Variants in CMTM8 observed in about 807,000 individuals in gnomAD.
CMTM8 encodes the protein CKLF-like MARVEL transmembrane domain-containing protein 8.
Under a neutral mutation model 18.6 loss-of-function variants are expected in CMTM8, and 12 were observed. The ratio of observed to expected loss-of-function variants is 0.65; its 90% CI spans 0.41 to 1.05. CMTM8 has a LOEUF of 1.05. Ranked by LOEUF, CMTM8 falls within the 50% of genes least tolerant of loss-of-function variation. The pLI, the probability that CMTM8 is intolerant of heterozygous loss-of-function variation, is 0.00. For synonymous variants in CMTM8, 87 were observed against 90.6 expected, an observed-to-expected ratio of 0.96 and a Z score of 0.23; for missense variants, 217 against 227.2, an observed-to-expected ratio of 0.95 and a Z score of 0.29.
chr3:32,364,919 T>C (rs1264511339), intron 2 of CMTM8, among the ~76,000 whole-genome samples: 1 of 152,236 alleles, frequency 6.6e-6, no homozygotes, highest in Non-Finnish European at 1.5e-5. Context: ...GCAGCAGTGA[T>C]GTGTGAAGCA....
At chr3:32,260,047 G>T in intron 1 of CMTM8, 1 of 1,149,476 alleles carries the variant, frequency 8.7e-7, no homozygotes, top group East Asian at 2.4e-5. Context: ...TGAACATCAA[G>T]GTCAAGCTGG....
intron 1 of CMTM8, among the ~76,000 whole-genome samples, chr3:32,258,405 T>G (rs535026132): frequency 4.1e-4 from 62 of 152,344 alleles, no homozygotes; most frequent in African/African-American, 1.5e-3. Flanking sequence ...TGTTATTCAC[T>G]TATAGACATT....
intron 1 of CMTM8, among the ~76,000 whole-genome samples, chr3:32,352,875 GT>G (rs5847757): frequency 0.35 from 52,090 of 149,074 alleles, 9,437 homozygotes; most frequent in African/African-American, 0.47. Flanking sequence ...CATAGGTTCT[GT>G]TTTTTTTTTT....
intron 1 of CMTM8, among the ~76,000 whole-genome samples, chr3:32,250,809 T>G (rs1005986612): frequency 6.6e-6 from 1 of 151,564 alleles, no homozygotes; most frequent in South Asian, 2.1e-4. Context: ...CCCAGGCTGG[T>G]CTCGAACCCC....
At chr3:32,242,327 ATTTTG>A (rs968070372) in intron 1 of CMTM8, among the ~76,000 whole-genome samples, 19 of 152,032 alleles carry the variant, frequency 1.2e-4, no homozygotes, top group African/African-American at 4.3e-4. Context: ...TTCTGATTTA[ATTTTG>A]TTTTGTTTTG....
intron 1 of CMTM8, chr3:32,259,127 G>C (rs1702217328): frequency 4.9e-6 from 2 of 407,868 alleles, no homozygotes; most frequent in Non-Finnish European, 9.4e-6. Context: ...GGTGGCATGG[G>C]GTCCGGGGAC....
chr3:32,364,675 C>A (rs1167761025), intron 2 of CMTM8, among the ~76,000 whole-genome samples: 2 of 152,146 alleles, frequency 1.3e-5, no homozygotes, highest in Non-Finnish European at 2.9e-5. Context: ...TTTGGGTATG[C>A]CAGATGGTGA....
chr3:32,332,038 G>A (rs4293737), intron 1 of CMTM8, among the ~76,000 whole-genome samples: 38,672 of 150,340 alleles, frequency 0.26, 5,216 homozygotes, highest in South Asian at 0.39. Flanking sequence ...GACCACACGC[G>A]CACACACACA....
chr3:32,328,035 A>G (rs907455222), intron 1 of CMTM8, among the ~76,000 whole-genome samples: 1 of 152,044 alleles, frequency 6.6e-6, no homozygotes, highest in Non-Finnish European at 1.5e-5. Context: ...ACATAGTAGA[A>G]CCTCATCTCT....
chr3:32,248,134 C>T (rs1007451215), intron 1 of CMTM8, among the ~76,000 whole-genome samples: 2 of 152,134 alleles, frequency 1.3e-5, no homozygotes, highest in African/African-American at 4.8e-5. Context: ...ATAGGTACTT[C>T]GTGTTCATGT....
At chr3:32,241,410 C>G (rs561032497) in intron 1 of CMTM8, among the ~76,000 whole-genome samples, 2 of 152,208 alleles carry the variant, frequency 1.3e-5, no homozygotes, top group Non-Finnish European at 2.9e-5. Flanking sequence ...AATCATACTT[C>G]GAATTTTGAA....
intron 1 of CMTM8, among the ~76,000 whole-genome samples, chr3:32,321,995 C>T (rs896358342): frequency 7.2e-5 from 11 of 152,242 alleles, no homozygotes; most frequent in African/African-American, 2.7e-4. Context: ...GTTAGCGCCA[C>T]TGTCTGTCCT....
chr3:32,349,736 G>C (rs138000216), intron 1 of CMTM8, among the ~76,000 whole-genome samples: 74 of 152,246 alleles, frequency 4.9e-4, no homozygotes, highest in Non-Finnish European at 8.2e-4. Context: ...GGCCAGGCCC[G>C]GTGGCTCACA....
At chr3:32,319,076 T>TATATATATATATA (rs1275408606) in intron 1 of CMTM8, among the ~76,000 whole-genome samples, 2 of 19,676 alleles carry the variant, frequency 1.0e-4, no homozygotes, top group Non-Finnish European at 1.8e-4. Context: ...ATATATATAT[T>TATATATATATATA]TTTTTTTTTT....
At chr3:32,262,795 T>C (rs547617221) in intron 1 of CMTM8, among the ~76,000 whole-genome samples, 1 of 152,220 alleles carries the variant, frequency 6.6e-6, no homozygotes, top group Non-Finnish European at 1.5e-5. Flanking sequence ...AATCAGCCGG[T>C]CCAAATATTG....
At chr3:32,309,400 C>T (rs900827104) in intron 1 of CMTM8, among the ~76,000 whole-genome samples, 1 of 150,812 alleles carries the variant, frequency 6.6e-6, no homozygotes, top group Non-Finnish European at 1.5e-5. Context: ...CTCCACCTCC[C>T]GGGTTCAAGT....
At chr3:32,255,721 C>T (rs970939685) in intron 1 of CMTM8, among the ~76,000 whole-genome samples, 4 of 151,922 alleles carry the variant, frequency 2.6e-5, no homozygotes, top group Non-Finnish European at 5.9e-5. Context: ...AATTTTTACT[C>T]AGTTATTTTT....
chr3:32,298,061 T>A (rs1464756489), intron 1 of CMTM8, among the ~76,000 whole-genome samples: 1 of 118,504 alleles, frequency 8.4e-6, no homozygotes, highest in Non-Finnish European at 1.6e-5. Context: ...ACTAAAAACT[T>A]TTTTTTTTTT....
At chr3:32,352,220 A>G (rs201054461) in intron 1 of CMTM8, among the ~76,000 whole-genome samples, 522 of 35,542 alleles carry the variant, frequency 0.015, 3 homozygotes, top group African/African-American at 0.023. Context: ...AAAAAAAAAG[A>G]AAAAAAACTA....
Sources: gnomAD v4.1 joint callset for allele counts (sites outside exome capture counted in the v4.1 genomes callset) on GRCh38, gnomAD v4.1.1 for gene constraint, MANE v1.5 for transcripts, NCBI Gene and HGNC (gene_info 2026-07-23, HGNC 2026-07-21) for gene names.